FKBP11: variants seen among roughly 807,000 people sequenced by gnomAD.
The protein encoded by FKBP11 is peptidyl-prolyl cis-trans isomerase FKBP11.
Under a neutral mutation model 24.7 loss-of-function variants are expected in FKBP11, and 21 were observed. That is an observed-to-expected ratio of 0.85 (90% CI 0.60 to 1.23). The LOEUF (loss-of-function observed/expected upper bound fraction) is 1.23, where lower values mean the gene tolerates loss of function less well. Ranked by LOEUF, FKBP11 falls within the 50% of genes most tolerant of loss-of-function variation. The probability of loss-of-function intolerance (pLI) is 0.00; values close to 1 mark genes in which losing one functional copy is unlikely to be tolerated. For synonymous variants in FKBP11, 106 were observed against 100.6 expected, an observed-to-expected ratio of 1.05 and a Z score of -0.32; for missense variants, 245 against 248.7, an observed-to-expected ratio of 0.99 and a Z score of 0.10.
intron 5 of FKBP11, 168 bp from the exon 6 acceptor site, chr12:48,922,369 C>G: frequency 1.4e-6 from 1 of 721,652 alleles, no homozygotes. Flanking sequence ...GGAGGATTTA[C>G]GAGCAGAGTC....
chr12:48,923,883 G>A (rs1414455372), intron 4 of FKBP11, 31 bp from the exon 5 acceptor site: 2 of 1,605,896 alleles, frequency 1.2e-6, no homozygotes, highest in Admixed American at 3.3e-5. Context: ...CACAGCCAGA[G>A]GCAGGAGAGG....
chr12:48,925,355 G>T lies in FKBP11; in HGVS notation c.74C>A (p.Ala25Asp). 1.9e-6 allele frequency: 3 copies of T among 1,607,646 alleles called. No individual in the cohort carries two copies. The highest frequency in any genetic ancestry group is 1.7e-6 in the Non-Finnish European group (2 of 1,177,960). Residue 25 changes from alanine to aspartate, a missense_variant, in exon 1 of 6, where the codon GCT (alanine) becomes GAT (aspartate). By Grantham distance (126) the Ala-to-Asp change is moderately radical (BLOSUM62 -2). Coordinates refer to ENST00000550765, the MANE Select transcript of FKBP11 (RefSeq NM_016594.3). ...LLLLSAAVCRAEAGLETESPV... is the reference protein window; with the variant it reads ...LLLLSAAVCRDEAGLETESPV... ...ACTTTCGGTTTCGAGCCCAGCCTCAGCCCGGCACACCGCCGCACTGAGCAG... is the reference window on the plus strand; with the variant it reads ...ACTTTCGGTTTCGAGCCCAGCCTCATCCCGGCACACCGCCGCACTGAGCAG...
chr12:48,938,597 A>G, the FKBP11 span: 3 of 456,094 alleles, frequency 6.6e-6, no homozygotes, highest in Non-Finnish European at 1.3e-5. Flanking sequence ...GAAAGGACTC[A>G]GATGCCAAGA....
At chr12:48,924,448 G>T in intron 3 of FKBP11, 113 bp downstream of exon 3, 1 of 1,174,676 alleles carries the variant, frequency 8.5e-7, no homozygotes, top group Non-Finnish European at 1.3e-6. Context: ...AACTCGTAGA[G>T]CCCTAGGGTC....
chr12:48,922,583 A>T, intron 5 of FKBP11: 1 of 1,001,614 alleles, frequency 1.0e-6, no homozygotes, highest in African/African-American at 1.7e-5. Context: ...AATTAAATGG[A>T]TTTAAACTAG....
At chr12:48,924,742 C>T in intron 2 of FKBP11, 94 bp from the exon 3 acceptor site, 2 of 1,561,238 alleles carry the variant, frequency 1.3e-6, no homozygotes, top group Non-Finnish European at 1.7e-6. Context: ...GGCGGCAGCC[C>T]CCTTAGTGCG....
upstream of FKBP11, among the ~76,000 whole-genome samples, chr12:48,928,265 G>A (rs139117039): frequency 1.2e-3 from 178 of 151,426 alleles, no homozygotes; most frequent in African/African-American, 4.1e-3. Flanking sequence ...GACTGGTCTC[G>A]AACTCCTGGA....
At chr12:48,927,204 C>T (rs1450174107), upstream of FKBP11, among the ~76,000 whole-genome samples, 6 of 152,320 alleles carry the variant, frequency 3.9e-5, no homozygotes, top group East Asian at 5.8e-4. Flanking sequence ...TACCAGCATT[C>T]GTTCTTCTCT....
At position 48,925,417 on chromosome 12, in the gene FKBP11, G is replaced by T. The variant is rs200072412; in HGVS notation, c.12C>A (p.Arg4=). 248 of 1,572,142 alleles carry T rather than the reference G, an allele frequency of 1.6e-4. 1 individual carries two copies. The highest frequency in any genetic ancestry group is 1.8e-4 in the Non-Finnish European group (211 of 1,159,778). ...GCAGATGGAGCGGGAGGAGTGAGGG[G>T]CGCAGGGTCATGACTGGGCGCGGGG... is the stretch of plus-strand genomic sequence containing the variant. The part of the protein sequence containing the change: MTL[R]PSLLPLHLLL... The change falls in exon 1 of 6, where the codon CGC becomes CGA. Residue 4 remains arginine (R), a synonymous_variant. Transcript: ENST00000550765.
At chr12:48,929,949 C>T (rs999362902), upstream of FKBP11, among the ~76,000 whole-genome samples, 4 of 152,176 alleles carry the variant, frequency 2.6e-5, no homozygotes, top group Non-Finnish European at 5.9e-5. Flanking sequence ...CAGGCATACA[C>T]TTGTGGACAT....
chr12:48,930,298 CAT>C (rs137896282), upstream of FKBP11, among the ~76,000 whole-genome samples: 156 of 152,278 alleles, frequency 1.0e-3, 1 homozygote, highest in African/African-American at 3.6e-3. Context: ...CCTCCACAAA[CAT>C]GTGTCAGCAC....
At chr12:48,925,732 T>C (rs1939951326), upstream of FKBP11, 3 of 415,138 alleles carry the variant, frequency 7.2e-6, no homozygotes, top group African/African-American at 6.0e-5. Context: ...ACCTACTGTG[T>C]GTCAGGAGCT....
rs1447091210 is a variant in FKBP11 at position 48,925,290 on chromosome 12, A to T, written c.129+10T>A. ...CCCACGGGGGCTGAGGGTCGGGACT[A>T]TCTCCTCACCAGGGTCTCCACTTGG... On this transcript the variant is annotated intron_variant, in intron 1 of 5. Coordinates refer to ENST00000550765, the MANE Select transcript of FKBP11 (RefSeq NM_016594.3). 3 of 1,611,854 alleles carry T rather than the reference A, an allele frequency of 1.9e-6. No individual in the cohort carries two copies. In the African/African-American group the frequency reaches 4.0e-5, roughly 22 times the overall value.
upstream of FKBP11, among the ~76,000 whole-genome samples, chr12:48,929,321 A>C (rs2137563716): frequency 1.3e-5 from 2 of 152,156 alleles, 1 homozygote; most frequent in South Asian, 4.1e-4. Context: ...GGTGGTGTGC[A>C]CCTGTGGTCT....
chr12:48,928,349 T>G (rs1002309333), upstream of FKBP11, among the ~76,000 whole-genome samples: 2 of 145,850 alleles, frequency 1.4e-5, no homozygotes, highest in African/African-American at 5.0e-5. Context: ...CCAGCTCACC[T>G]TTTTTTTTTT....
the FKBP11 span, among the ~76,000 whole-genome samples, chr12:48,933,658 G>A: frequency 1.7e-3 from 247 of 148,368 alleles, no homozygotes; most frequent in African/African-American, 5.3e-3. Flanking sequence ...CCGAGATCAC[G>A]CCATTGCACT....
upstream of FKBP11, among the ~76,000 whole-genome samples, chr12:48,926,850 C>T (rs1592233220): frequency 2.6e-5 from 4 of 152,068 alleles, no homozygotes; most frequent in Admixed American, 1.3e-4. Flanking sequence ...ACTCTTGTCG[C>T]CCAGGCTGGA....
upstream of FKBP11, among the ~76,000 whole-genome samples, chr12:48,928,998 A>ATT (rs71080161): frequency 0.38 from 52,447 of 138,068 alleles, 10,698 homozygotes; most frequent in South Asian, 0.55. Context: ...AACTTTTTGT[A>ATT]TTTTTTTTTT....
At chr12:48,930,819 C>A (rs1006317913), upstream of FKBP11, among the ~76,000 whole-genome samples, 8 of 152,110 alleles carry the variant, frequency 5.3e-5, no homozygotes, top group Admixed American at 2.6e-4. Flanking sequence ...AGAGAGGTGG[C>A]TGGAGAGGGA....
Sources: gnomAD v4.1 joint callset for allele counts (sites outside exome capture counted in the v4.1 genomes callset) on GRCh38, gnomAD v4.1.1 for gene constraint, MANE v1.5 for transcripts, NCBI Gene and HGNC (gene_info 2026-07-23, HGNC 2026-07-21) for gene names.